PKHD1: variants seen among roughly 807,000 people sequenced by gnomAD.
The protein encoded by PKHD1 is fibrocystin.
Under a neutral mutation model 412.0 loss-of-function variants are expected in PKHD1, and 291 were observed. The ratio of observed to expected loss-of-function variants is 0.71; its 90% confidence interval spans 0.64 to 0.78. PKHD1 has a LOEUF of 0.78. PKHD1 is among the 30% of genes least tolerant of loss of function. The probability of loss-of-function intolerance (pLI) is 0.00; values close to 1 mark genes in which losing one functional copy is unlikely to be tolerated. For missense variants in PKHD1, 4,825 were observed against 4,950.7 expected (o/e 0.97, Z 0.76); for synonymous variants, 1,777 against 1,821.5 (o/e 0.98, Z 0.62).
In PKHD1 at chr6:52,042,757, C is replaced by T; in HGVS notation, c.3097+102G>A. ...TGTCAGTAAACAAAAGACAGTGAGT[C>T]ACAGTGAATATGGAATTCATTACAC... On this transcript the variant is annotated intron_variant, in intron 27 of 66. Coordinates refer to ENST00000371117, the MANE Select transcript of PKHD1 (RefSeq NM_138694.4). 7 of 1,054,328 alleles carry T rather than the reference C, an allele frequency of 6.6e-6. No individual in the cohort carries two copies. In the South Asian group the frequency reaches 9.0e-5, roughly 14 times the overall value. 65.3% of individuals were successfully genotyped at this position (1,054,328 alleles called of 1,614,324 possible).
chr6:51,680,357 T>G (rs1215408114), intron 60 of PKHD1, among the ~76,000 whole-genome samples: 1 of 151,962 alleles, frequency 6.6e-6, no homozygotes, highest in East Asian at 1.9e-4. Context: ...ACCTTGAAAT[T>G]TTTTCTTATA....
intron 60 of PKHD1, among the ~76,000 whole-genome samples, chr6:51,709,597 GT>G (rs1488586784): frequency 1.3e-5 from 2 of 152,156 alleles, no homozygotes; most frequent in Non-Finnish European, 2.9e-5. Context: ...AAGAATCATT[GT>G]AACACATACT....
intron 50 of PKHD1, among the ~76,000 whole-genome samples, chr6:51,842,521 G>T (rs1770393575): frequency 6.6e-6 from 1 of 152,158 alleles, no homozygotes; most frequent in African/African-American, 2.4e-5. Context: ...CACTGACTCT[G>T]CATCGGGCTT....
chr6:51,940,137 G>A (rs1327471027), intron 36 of PKHD1, among the ~76,000 whole-genome samples: 1 of 151,544 alleles, frequency 6.6e-6, no homozygotes, highest in African/African-American at 2.4e-5. Flanking sequence ...ATGCTTTACA[G>A]CCCTAGACCC....
At chr6:51,830,840 C>A in intron 52 of PKHD1, 21 bp downstream of exon 52, 1 of 1,609,660 alleles carries the variant, frequency 6.2e-7, no homozygotes, top group South Asian at 1.1e-5. Flanking sequence ...TGTGATTCAT[C>A]TCTTGGGTAG....
Position 51,777,903 on chromosome 6 carries a change from C to T in PKHD1, c.8441-1982G>A, listed in dbSNP as rs545732633. Among the ~76,000 whole-genome samples, 38 of 152,116 alleles carry T rather than the reference C, an allele frequency of 2.5e-4. No homozygotes were observed. The South Asian group carries it at 7.5e-3, about 30-fold the overall frequency. Reference sequence around the variant, plus strand: ...AGTCTGGGCAAAATTAGTTAGCCTGCCGTGATATTTTGCTATCTGCAATGG... The same window carrying T: ...AGTCTGGGCAAAATTAGTTAGCCTGTCGTGATATTTTGCTATCTGCAATGG... On this transcript the variant is annotated intron_variant, in intron 53 of 66. Coordinates refer to ENST00000371117, the MANE Select transcript of PKHD1 (RefSeq NM_138694.4).
intron 60 of PKHD1, among the ~76,000 whole-genome samples, chr6:51,692,209 C>A (rs1778245566): frequency 6.6e-6 from 1 of 151,416 alleles, no homozygotes; most frequent in African/African-American, 2.4e-5. Context: ...GTATCCACTG[C>A]CATCACTTTT....
At chr6:51,846,863 G>A (rs577864743) in intron 50 of PKHD1, among the ~76,000 whole-genome samples, 20 of 152,080 alleles carry the variant, frequency 1.3e-4, no homozygotes, top group Non-Finnish European at 1.9e-4. Flanking sequence ...ATAAACTTCC[G>A]TCTTAATTCA....
intron 37 of PKHD1, among the ~76,000 whole-genome samples, chr6:51,915,500 G>C (rs1783627932): frequency 1.3e-5 from 2 of 152,022 alleles, no homozygotes; most frequent in Admixed American, 6.6e-5. Context: ...TAGCATGTAA[G>C]TGTTCCATAA....
At chr6:51,870,814 T>C (rs1328569188) in intron 46 of PKHD1, among the ~76,000 whole-genome samples, 175 bp from the exon 47 acceptor site, 1 of 151,754 alleles carries the variant, frequency 6.6e-6, no homozygotes, top group Non-Finnish European at 1.5e-5. Flanking sequence ...GAAAGAACTC[T>C]TAGGTTTCAA....
intron 35 of PKHD1, among the ~76,000 whole-genome samples, chr6:52,001,624 G>A (rs1408273315): frequency 3.3e-5 from 5 of 151,824 alleles, no homozygotes; most frequent in Non-Finnish European, 5.9e-5. Flanking sequence ...GTAGAGACGG[G>A]GTTTCACCGT....
At position 51,971,400 on chromosome 6, in the gene PKHD1, C is replaced by T. The variant is rs373232919; in HGVS notation, c.5752-11374G>A. On this transcript the variant is annotated intron_variant, in intron 35 of 66. Coordinates refer to ENST00000371117, the MANE Select transcript of PKHD1 (RefSeq NM_138694.4). ...AGCAAGAAAGGTGGGATGCCAGTGC[C>T]AGGCAGAAGGACAGGTTATTCGCTC... Among the ~76,000 whole-genome samples the T allele has an allele frequency of 1.4e-4, 21 of 152,280 alleles. 1 individual carries two copies. The highest frequency in any genetic ancestry group is 4.8e-4 in the African/African-American group (20 of 41,554).
chr6:51,692,669 A>T (rs973021729), intron 60 of PKHD1, among the ~76,000 whole-genome samples: 1 of 152,136 alleles, frequency 6.6e-6, no homozygotes, highest in Admixed American at 6.6e-5. Flanking sequence ...CCATCAACTG[A>T]CAGATGCATA....
At chr6:52,067,189 C>T (rs1265193854) in intron 11 of PKHD1, among the ~76,000 whole-genome samples, 1 of 152,144 alleles carries the variant, frequency 6.6e-6, no homozygotes, top group Non-Finnish European at 1.5e-5. Context: ...AAAGATTGAT[C>T]CCTTACACTC....
At chr6:51,883,789 A>G (rs1777766209) in intron 45 of PKHD1, among the ~76,000 whole-genome samples, 1 of 152,120 alleles carries the variant, frequency 6.6e-6, no homozygotes, top group Admixed American at 6.6e-5. Flanking sequence ...GTCCCCGAAA[A>G]AGCATGTTTT....
chr6:51,694,353 G>A (rs1029778774), intron 60 of PKHD1, among the ~76,000 whole-genome samples: 2 of 151,174 alleles, frequency 1.3e-5, no homozygotes, highest in African/African-American at 4.9e-5. Flanking sequence ...TCTTCCATAT[G>A]GATTTCTTTT....
In PKHD1 at chr6:51,911,760, T is replaced by A. The variant is rs1782970850; in HGVS notation, c.6490+39A>T. On this transcript the variant is annotated intron_variant, in intron 39 of 66. Coordinates refer to ENST00000371117, the MANE Select transcript of PKHD1 (RefSeq NM_138694.4). The stretch of plus-strand genomic sequence containing the variant: ...TATCATCAGACAGTAAGAATATTCT[T>A]TTTTGCTCATTAGACTTTCCAACAA... The A allele has an allele frequency of 1.9e-6, 3 of 1,565,882 alleles. No individual in the cohort carries two copies. In the South Asian group the frequency reaches 3.3e-5, roughly 17 times the overall value.
chr6:51,888,836 T>C (rs1562539367), intron 43 of PKHD1, among the ~76,000 whole-genome samples: 1 of 149,952 alleles, frequency 6.7e-6, no homozygotes, highest in Non-Finnish European at 1.5e-5. Flanking sequence ...GCCTTCTCTT[T>C]ATCATCAGGG....
In PKHD1 at chr6:52,006,066, C is replaced by T. The variant is rs530659915; in HGVS notation, c.5751+4243G>A. ...GTTTAGCTTACAAACACATCAGGAC[C>T]TCAAATTAAGTTGTTGAGCCACTTG... On this transcript the variant is annotated intron_variant, in intron 35 of 66. Transcript: ENST00000371117. 2.0e-5 allele frequency among the ~76,000 whole-genome samples: 3 copies of T among 151,112 alleles called. No individual in the cohort carries two copies. The South Asian group carries it at 6.4e-4, about 32-fold the overall frequency.
Sources: gnomAD v4.1 joint callset for allele counts (sites outside exome capture counted in the v4.1 genomes callset) on GRCh38, gnomAD v4.1.1 for gene constraint, MANE v1.5 for transcripts, NCBI Gene and HGNC (gene_info 2026-07-23, HGNC 2026-07-21) for gene names.